Variants in SLC7A14 observed in about 807,000 individuals in gnomAD.
SLC7A14 encodes solute carrier family 7 member 14, also known as gamma-aminobutyric acid transporter SLC7A14.
In SLC7A14, 37 loss-of-function variants were observed where a neutral mutation model predicts 60.2. The observed-to-expected ratio is 0.61, with a 90% CI of 0.47 to 0.81. The LOEUF (loss-of-function observed/expected upper bound fraction) is 0.81. Among genes scored for constraint, SLC7A14 ranks in the 30% least tolerant of loss-of-function variants. The probability of loss-of-function intolerance (pLI) is 0.00; values close to 1 mark genes in which losing one functional copy is unlikely to be tolerated. For synonymous variants in SLC7A14, 399 were observed against 395.8 expected, an observed-to-expected ratio of 1.01 and a Z score of -0.10; for missense variants, 886 against 982.7, an observed-to-expected ratio of 0.90 and a Z score of 1.32.
At chr3:170,510,326 G>C (rs1256524363) in intron 2 of SLC7A14, among the ~76,000 whole-genome samples, 1 of 149,376 alleles carries the variant, frequency 6.7e-6, no homozygotes, top group Non-Finnish European at 1.5e-5. Context: ...GGAGGCGGAG[G>C]TTGCAGTGAG....
At chr3:170,555,872 C>T (rs1200650891) in intron 1 of SLC7A14, among the ~76,000 whole-genome samples, 1 of 152,154 alleles carries the variant, frequency 6.6e-6, no homozygotes, top group Non-Finnish European at 1.5e-5. Context: ...AGTTTTCTAT[C>T]AAATTTTTCT....
chr3:170,583,833 A>G lies in SLC7A14; in HGVS notation c.-153+2078T>C, dbSNP rs572303309. On this transcript the variant is annotated intron_variant, in intron 1 of 7. Transcript: ENST00000231706. ...CAAGCAGCATGCAAAAGCAGTTGGG[A>G]GGGTGGGAGTGCATGACAGTGAGTG... Among the ~76,000 whole-genome samples the G allele has an allele frequency of 1.2e-4, 19 of 152,298 alleles. 1 individual carries two copies. In the South Asian group the frequency reaches 3.9e-3, roughly 32 times the overall value.
chr3:170,504,644 A>T (rs946746203), intron 2 of SLC7A14, among the ~76,000 whole-genome samples: 1 of 152,138 alleles, frequency 6.6e-6, no homozygotes, highest in African/African-American at 2.4e-5. Flanking sequence ...ATCCTAGATT[A>T]TCTAGGGTCC....
intron 1 of SLC7A14, among the ~76,000 whole-genome samples, chr3:170,555,069 C>T (rs539555241): frequency 6.6e-6 from 1 of 151,840 alleles, no homozygotes; most frequent in African/African-American, 2.4e-5. Flanking sequence ...TCGGGAGGCT[C>T]AGGCAGGAGA....
intron 1 of SLC7A14, among the ~76,000 whole-genome samples, chr3:170,564,697 G>A (rs1399165449): frequency 2.6e-5 from 4 of 152,192 alleles, no homozygotes; most frequent in Non-Finnish European, 5.9e-5. Flanking sequence ...AAAAAATGAG[G>A]ATAATGTCCA....
At chr3:170,584,484 ACTGGATC>A (rs1175461470) in intron 1 of SLC7A14, among the ~76,000 whole-genome samples, 7 of 152,090 alleles carry the variant, frequency 4.6e-5, no homozygotes, top group Admixed American at 4.6e-4. Context: ...AGTTAGCAAA[ACTGGATC>A]CTGAAGTGAC....
rs1560251652 is a variant in SLC7A14, at chr3:170,481,006, CACAG to C, written c.1272_1275del (p.Cys425SerfsTer42). The C allele has an allele frequency of 6.2e-7, 1 of 1,614,110 alleles. No homozygotes were observed. On this transcript the variant is annotated frameshift_variant, in exon 7 of 8. Transcript: ENST00000231706. LOFTEE classifies it high-confidence loss of function. ...TCAGGTTGGTATCGAAGGAGCAAGA[CACAG>C]ACAGAGACCAAGGTGTAGGCCAGGA...
At chr3:170,553,400 A>T (rs1348030639) in intron 1 of SLC7A14, among the ~76,000 whole-genome samples, 1 of 152,210 alleles carries the variant, frequency 6.6e-6, no homozygotes, top group East Asian at 1.9e-4. Context: ...CTTATTTGAG[A>T]TGATAGGCAA....
chr3:170,481,118 G>T lies in SLC7A14; in HGVS notation c.1164C>A (p.Cys388Ter), dbSNP rs1185415396. ...SSYTETPVVACIVSGFLAALL... is the reference protein window; with the variant it reads ...SSYTETPVVA ...GCGCTGCCAGGAACCCCGACACGAT[G>T]CAGGCCACCACTGGTGTCTCTGTGT... Residue 388 changes from cysteine (C) to a stop codon, truncating the protein, a stop_gained, in exon 7 of 8, where the codon TGC (cysteine) becomes TGA (stop). Coordinates refer to ENST00000231706, the MANE Select transcript of SLC7A14 (RefSeq NM_020949.3). LOFTEE classifies it high-confidence loss of function. 4.3e-6 allele frequency: 7 copies of T among 1,613,898 alleles called. No homozygotes were observed. Among genetic ancestry groups the T allele is most frequent in the South Asian group, 1.1e-5 (1 of 91,070 alleles).
rs1739645786 is a variant in SLC7A14, at chr3:170,463,346, T to G, written c.*3709A>C. The G allele has an allele frequency of 6.6e-6, 1 of 152,092 alleles. No individual in the cohort carries two copies. The highest frequency in any genetic ancestry group is 6.6e-5 in the Admixed American group (1 of 15,254). 9.4% of individuals were successfully genotyped at this position (152,092 alleles called of 1,614,324 possible). On this transcript the variant is annotated 3_prime_UTR_variant, in exon 8 of 8. Transcript: ENST00000231706. Reference sequence around the variant, plus strand: ...TGGCATGCCTTTCTCTCATTTCTACTTGATAAAATTCTACCCACTTCACAA... The same window carrying G: ...TGGCATGCCTTTCTCTCATTTCTACGTGATAAAATTCTACCCACTTCACAA...
At chr3:170,554,895 G>A (rs1276411124) in intron 1 of SLC7A14, among the ~76,000 whole-genome samples, 16 of 152,144 alleles carry the variant, frequency 1.1e-4, no homozygotes, top group South Asian at 4.1e-4. Context: ...TGGGACGGGC[G>A]CGGTGGCTCA....
At chr3:170,520,641 G>A (rs1713314835) in intron 2 of SLC7A14, among the ~76,000 whole-genome samples, 1 of 152,312 alleles carries the variant, frequency 6.6e-6, no homozygotes, top group Non-Finnish European at 1.5e-5. Context: ...CTGATGCTGT[G>A]TATGCATACT....
At chr3:170,553,473 A>G (rs202147804) in intron 1 of SLC7A14, among the ~76,000 whole-genome samples, 3 of 151,234 alleles carry the variant, frequency 2.0e-5, no homozygotes, top group African/African-American at 7.3e-5. Context: ...CATTGTCATC[A>G]TCGTCGTCAT....
At chr3:170,561,678 G>C (rs1714655809) in intron 1 of SLC7A14, among the ~76,000 whole-genome samples, 1 of 152,168 alleles carries the variant, frequency 6.6e-6, no homozygotes, top group African/African-American at 2.4e-5. Context: ...TTGTAGATCA[G>C]GACATGGCCG....
chr3:170,547,800 T>C (rs563405560), intron 1 of SLC7A14, among the ~76,000 whole-genome samples: 1 of 152,352 alleles, frequency 6.6e-6, no homozygotes, highest in South Asian at 2.1e-4. Flanking sequence ...GTCATCTGTG[T>C]CATCTTAAAG....
chr3:170,485,333 T>C (rs1354701225), intron 5 of SLC7A14, among the ~76,000 whole-genome samples: 10 of 152,220 alleles, frequency 6.6e-5, no homozygotes, highest in African/African-American at 2.4e-4. Flanking sequence ...CCTTAGCTAG[T>C]TGCTAAAGAT....
intron 1 of SLC7A14, among the ~76,000 whole-genome samples, chr3:170,531,509 G>GC (rs1713679952): frequency 6.6e-6 from 1 of 151,944 alleles, no homozygotes; most frequent in South Asian, 2.1e-4. Context: ...TGGCAAGAAT[G>GC]CCCCCTGGTC....
chr3:170,498,207 G>T (rs1248793175), intron 4 of SLC7A14, among the ~76,000 whole-genome samples: 1 of 152,142 alleles, frequency 6.6e-6, no homozygotes, highest in Non-Finnish European at 1.5e-5. Flanking sequence ...AGCTGTTCTT[G>T]CACAGACTTT....
chr3:170,536,175 A>G (rs944079210), intron 1 of SLC7A14, among the ~76,000 whole-genome samples: 2 of 152,204 alleles, frequency 1.3e-5, no homozygotes, highest in Non-Finnish European at 2.9e-5. Flanking sequence ...TGTCATGAGG[A>G]TTTAATGAGA....
Sources: gnomAD v4.1 joint callset for allele counts (sites outside exome capture counted in the v4.1 genomes callset) on GRCh38, gnomAD v4.1.1 for gene constraint, MANE v1.5 for transcripts, NCBI Gene and HGNC (gene_info 2026-07-23, HGNC 2026-07-21) for gene names.